IQSEC3: variants seen among roughly 807,000 people sequenced by gnomAD.
The protein encoded by IQSEC3 is IQ motif and SEC7 domain-containing protein 3.
Under a neutral mutation model 105.4 loss-of-function variants are expected in IQSEC3, and 50 were observed. The ratio of observed to expected loss-of-function variants is 0.47; its 90% CI spans 0.38 to 0.60. The LOEUF (loss-of-function observed/expected upper bound fraction) is 0.60, where lower values mean the gene tolerates loss of function less well. Ranked by LOEUF, IQSEC3 falls within the 20% of genes least tolerant of loss-of-function variation. The probability of loss-of-function intolerance (pLI) is 0.00; values close to 1 mark genes in which losing one functional copy is unlikely to be tolerated. For synonymous variants in IQSEC3, 708 were observed against 746.0 expected, an observed-to-expected ratio of 0.95 and a Z score of 0.83; for missense variants, 1,415 against 1,630.0, an observed-to-expected ratio of 0.87 and a Z score of 2.27.
chr12:123,527 A>G (rs1261947667), intron 2 of IQSEC3, among the ~76,000 whole-genome samples: 1 of 152,260 alleles, frequency 6.6e-6, no homozygotes, highest in East Asian at 1.9e-4. Context: ...AATGGTGGAC[A>G]TAGAAAAAGG....
At chr12:84,743 T>A (rs1251293078) in intron 1 of IQSEC3, among the ~76,000 whole-genome samples, 3 of 152,202 alleles carry the variant, frequency 2.0e-5, no homozygotes, top group Non-Finnish European at 4.4e-5. Flanking sequence ...TTTGTGGGCA[T>A]GTGATTGAGG....
At chr12:123,331 C>A (rs1406191430) in intron 2 of IQSEC3, among the ~76,000 whole-genome samples, 2 of 152,144 alleles carry the variant, frequency 1.3e-5, no homozygotes, top group Non-Finnish European at 2.9e-5. Flanking sequence ...GTCCCAGGTA[C>A]TCAGTAGGCT....
rs1019135241 is a variant in IQSEC3, at chr12:174,782, A to G, written c.3298A>G (p.Ile1100Val). The change falls in exon 14 of 14, where the codon ATT becomes GTT. Residue 1100 changes from isoleucine to valine, a missense_variant. Coordinates refer to ENST00000538872, the MANE Select transcript of IQSEC3 (RefSeq NM_001170738.2). ...LVQCQQIVKV[I>V]VLDKPCLARM... ...GCAGTGCCAGCAAATTGTCAAGGTC[A>G]TTGTCCTGGACAAGCCCTGCCTGGC... 6.3e-7 allele frequency: 1 copy of G among 1,588,404 alleles called. No homozygotes were observed.
At chr12:166,210 C>G in intron 11 of IQSEC3, 1 of 348,146 alleles carries the variant, frequency 2.9e-6, no homozygotes, top group Non-Finnish European at 5.2e-6. Flanking sequence ...CCAGGCAGGC[C>G]CATGGGGCTC....
intron 1 of IQSEC3, among the ~76,000 whole-genome samples, chr12:88,341 C>T (rs1470196511): frequency 6.6e-6 from 1 of 152,182 alleles, no homozygotes; most frequent in African/African-American, 2.4e-5. Flanking sequence ...CAAACTCATA[C>T]TCTTTTATGA....
chr12:139,549 C>T (rs1161987383), intron 4 of IQSEC3, 195 bp downstream of exon 4: 5 of 443,518 alleles, frequency 1.1e-5, no homozygotes, highest in African/African-American at 2.0e-5. Context: ...TTTTAATCAT[C>T]CTGAGTTTAT....
chr12:153,389 C>T (rs565092408), intron 5 of IQSEC3, among the ~76,000 whole-genome samples: 3 of 152,212 alleles, frequency 2.0e-5, no homozygotes, highest in South Asian at 4.2e-4. Flanking sequence ...CCGTTGGGAG[C>T]GTCTGCAGTG....
In IQSEC3 at chr12:138,788, G is replaced by A. The variant is rs2136998593; in HGVS notation, c.1425G>A (p.Pro475=). The A allele has an allele frequency of 1.2e-6, 2 of 1,602,126 alleles. No individual in the cohort carries two copies. The highest frequency in any genetic ancestry group is 1.7e-6 in the Non-Finnish European group (2 of 1,176,898). Reference sequence around the variant, plus strand: ...CCGCGGAGACCCCCGGCCTGCCCCCGGCCCACAGCGGGACCCTCATGATGG... The same window carrying A: ...CCGCGGAGACCCCCGGCCTGCCCCCAGCCCACAGCGGGACCCTCATGATGG... ...DDAAETPGLP[P]AHSGTLMMAF... is the part of the protein sequence containing the mutation. The change falls in exon 4 of 14, where the codon CCG becomes CCA. Residue 475 remains proline, a synonymous_variant. Coordinates refer to ENST00000538872, the MANE Select transcript of IQSEC3 (RefSeq NM_001170738.2). The surrounding 1 kb of genome is among the most constrained non-coding windows in gnomAD (Gnocchi z 7.1).
intron 1 of IQSEC3, among the ~76,000 whole-genome samples, chr12:98,390 G>C (rs1434296383): frequency 6.6e-6 from 1 of 152,190 alleles, no homozygotes; most frequent in Non-Finnish European, 1.5e-5. Flanking sequence ...AGAGTCCTGG[G>C]GGGAAGGGAA....
intron 3 of IQSEC3, among the ~76,000 whole-genome samples, chr12:131,283 G>C (rs956784650): frequency 6.6e-6 from 1 of 152,208 alleles, no homozygotes; most frequent in Non-Finnish European, 1.5e-5. Context: ...ATTCCTCCTG[G>C]TTCCTGGGGT....
intron 2 of IQSEC3, among the ~76,000 whole-genome samples, chr12:123,180 C>T (rs1164967504): frequency 6.6e-6 from 1 of 152,126 alleles, no homozygotes; most frequent in Non-Finnish European, 1.5e-5. Context: ...TGAGAAGGGA[C>T]AATCATTCGA....
intron 1 of IQSEC3, 72 bp from the exon 2 acceptor site, chr12:99,074 T>C (rs1055416909): frequency 4.3e-6 from 6 of 1,380,582 alleles, no homozygotes; most frequent in Non-Finnish European, 5.9e-6. Context: ...AGGGCAGAAA[T>C]GCTTTAGTGT....
intron 5 of IQSEC3, among the ~76,000 whole-genome samples, chr12:145,732 CCT>C (rs1335821681): frequency 6.6e-6 from 1 of 152,260 alleles, no homozygotes; most frequent in Non-Finnish European, 1.5e-5. Flanking sequence ...GAAGCCTCTC[CCT>C]CTCGGTTTTC....
At chr12:103,891 A>G (rs117573450) in intron 2 of IQSEC3, among the ~76,000 whole-genome samples, 2,018 of 8,018 alleles carry the variant, frequency 0.25, 85 homozygotes, top group Middle Eastern at 0.4. Context: ...GGGGCTCGGG[A>G]GGGGAGGCGG....
intron 2 of IQSEC3, among the ~76,000 whole-genome samples, chr12:100,837 G>C (rs782455498): frequency 7.9e-5 from 12 of 152,184 alleles, no homozygotes; most frequent in Non-Finnish European, 1.5e-4. Context: ...GGTGGAGGGA[G>C]AAGGAAAGAG....
chr12:174,877 C>T lies in IQSEC3; in HGVS notation c.3393C>T (p.Ser1131=), dbSNP rs761601939. The change falls in exon 14 of 14, where the codon TCC becomes TCT. Residue 1131 remains serine (S), a synonymous_variant. Transcript: ENST00000538872. ...YTSSSSDSCG[S]TPLGGPGSPV... ...CGTCGTCCTCTGACTCCTGCGGCTC[C>T]ACACCCCTGGGCGGTCCCGGCTCTC... The T allele has an allele frequency of 6.3e-7, 1 of 1,576,464 alleles. No individual in the cohort carries two copies.
Position 171,133 on chromosome 12 carries a change from G to C in IQSEC3, c.3086G>C (p.Arg1029Thr). ...AAAGCCAAAAGGGAAGCCGCGCTCA[G>C]GGAGAGGCCGGCGGAGAGCACGGTG... ...SPTAKREAAL[R>T]ERPAESTVEV... The change falls in exon 13 of 14, where the codon AGG (arginine) becomes ACG (threonine). Residue 1029 changes from arginine to threonine, a missense_variant. Arg to Thr is a moderately conservative substitution (Grantham distance 71). This residue lies in a region of IQSEC3 where 419 missense variants were observed against 436.2 expected (regional missense o/e 0.96). Coordinates refer to ENST00000538872, the MANE Select transcript of IQSEC3 (RefSeq NM_001170738.2). 6.2e-7 allele frequency: 1 copy of C among 1,614,102 alleles called. No homozygotes were observed.
intron 2 of IQSEC3, among the ~76,000 whole-genome samples, chr12:99,995 TTGTC>T (rs1488087254): frequency 2.0e-5 from 3 of 151,800 alleles, no homozygotes; most frequent in Non-Finnish European, 4.4e-5. Context: ...TTCCACCAGT[TTGTC>T]TGTCTCCATT....
In IQSEC3 at chr12:157,027, G is replaced by GCGT; in HGVS notation, c.2157_2159dup (p.Val721dup). Reference sequence around the variant, plus strand: ...ACACCCTCCCTGCCTGCCCTCAGCTGCGTGGTGGACGAGATGGACTTCTCC... The same window carrying GCGT: ...ACACCCTCCCTGCCTGCCCTCAGCTGCGTCGTGGTGGACGAGATGGACTTCTCC... On this transcript the variant is annotated inframe_insertion, in exon 6 of 14. Transcript: ENST00000538872. 6.3e-7 allele frequency: 1 copy of GCGT among 1,599,358 alleles called. No homozygotes were observed. The highest frequency in any genetic ancestry group is 8.5e-7 in the Non-Finnish European group (1 of 1,172,136).
Sources: gnomAD v4.1 joint callset for allele counts (sites outside exome capture counted in the v4.1 genomes callset) on GRCh38, gnomAD v4.1.1 for gene constraint, gnomAD v4.1.1 regional missense constraint, Gnocchi (gnomAD v3.1) non-coding constraint, MANE v1.5 for transcripts, NCBI Gene and HGNC (gene_info 2026-07-23, HGNC 2026-07-21) for gene names.